CCDC172: variants seen among roughly 807,000 people sequenced by gnomAD.
CCDC172 encodes coiled-coil domain-containing protein 172.
A neutral mutation model predicts 38.0 loss-of-function variants in CCDC172; 30 were observed. That is an observed-to-expected ratio of 0.79 (90% confidence interval 0.59 to 1.07). CCDC172 has a LOEUF of 1.07. CCDC172 is among the 50% of genes least tolerant of loss of function. CCDC172 has a pLI of 0.00. For synonymous variants in CCDC172, 78 were observed against 88.3 expected, an observed-to-expected ratio of 0.88 and a Z score of 0.66; for missense variants, 297 against 290.1, an observed-to-expected ratio of 1.02 and a Z score of -0.17.
At chr10:116,366,958 T>C (rs7068883) in intron 7 of CCDC172, among the ~76,000 whole-genome samples, 13,935 of 152,232 alleles carry the variant, frequency 0.092, 1,009 homozygotes, top group East Asian at 0.24. Flanking sequence ...CATTTTTTTC[T>C]GTAAAGTAAC....
intron 7 of CCDC172, among the ~76,000 whole-genome samples, chr10:116,363,379 A>C (rs1271897396): frequency 6.6e-6 from 1 of 152,202 alleles, no homozygotes; most frequent in Non-Finnish European, 1.5e-5. Context: ...AAAACTGATA[A>C]TTCTACTGTC....
intron 5 of CCDC172, among the ~76,000 whole-genome samples, chr10:116,356,387 G>GAA (rs1275070908): frequency 4.6e-5 from 7 of 151,150 alleles, no homozygotes; most frequent in African/African-American, 1.5e-4. Context: ...GGGGAGGGAG[G>GAA]GAGGAAGGAA....
At chr10:116,342,292 A>G (rs1844805918) in intron 5 of CCDC172, 91 bp downstream of exon 5, 1 of 1,106,226 alleles carries the variant, frequency 9.0e-7, no homozygotes, top group African/African-American at 1.7e-5. Flanking sequence ...CTTTTTCATG[A>G]GCAAATTGGG....
At chr10:116,361,843 C>T (rs1369532181) in intron 7 of CCDC172, among the ~76,000 whole-genome samples, 1 of 152,192 alleles carries the variant, frequency 6.6e-6, no homozygotes, top group African/African-American at 2.4e-5. Flanking sequence ...CAAACTCTTT[C>T]AAGGATACAT....
intron 5 of CCDC172, among the ~76,000 whole-genome samples, chr10:116,351,142 C>T (rs1844926075): frequency 6.6e-6 from 1 of 151,890 alleles, no homozygotes; most frequent in Admixed American, 6.6e-5. Context: ...TCATTCTTGC[C>T]TAAGTTTTAC....
chr10:116,328,617 T>C (rs960700584), intron 3 of CCDC172, among the ~76,000 whole-genome samples: 1 of 152,158 alleles, frequency 6.6e-6, no homozygotes, highest in African/African-American at 2.4e-5. Flanking sequence ...TGTTTATTTT[T>C]TCTGTTTCCA....
intron 7 of CCDC172, among the ~76,000 whole-genome samples, chr10:116,365,764 AGTG>A (rs1025040139): frequency 6.6e-6 from 1 of 152,158 alleles, no homozygotes; most frequent in Non-Finnish European, 1.5e-5. Context: ...CATATCTAAG[AGTG>A]GTCCCATAAG....
At chr10:116,365,399 A>G (rs560070061) in intron 7 of CCDC172, among the ~76,000 whole-genome samples, 1 of 152,292 alleles carries the variant, frequency 6.6e-6, no homozygotes, top group East Asian at 1.9e-4. Context: ...CCTGTAGTCC[A>G]TTTGAAGTGA....
intron 1 of CCDC172, 47 bp downstream of exon 1, chr10:116,324,660 G>C: frequency 4.5e-6 from 1 of 222,236 alleles, no homozygotes; most frequent in Non-Finnish European, 8.8e-6. Flanking sequence ...AACAAACCCA[G>C]GGAGGGACGG....
chr10:116,353,153 A>C (rs1420409909), intron 5 of CCDC172, among the ~76,000 whole-genome samples: 1 of 151,980 alleles, frequency 6.6e-6, no homozygotes, highest in Non-Finnish European at 1.5e-5. Context: ...AGATCGCGCC[A>C]CTGCACTCCT....
At chr10:116,336,697 G>A (rs1844738324) in intron 3 of CCDC172, among the ~76,000 whole-genome samples, 1 of 150,984 alleles carries the variant, frequency 6.6e-6, no homozygotes, top group Non-Finnish European at 1.5e-5. Context: ...TTTTTTAAAT[G>A]TAAAATTGCC....
chr10:116,378,154 C>G (rs1845270534), intron 7 of CCDC172, among the ~76,000 whole-genome samples: 1 of 152,118 alleles, frequency 6.6e-6, no homozygotes, highest in Admixed American at 6.6e-5. Context: ...GTACTCCAGC[C>G]TGGATGACAG....
At chr10:116,342,458 C>T (rs1191840785) in intron 5 of CCDC172, among the ~76,000 whole-genome samples, 2 of 151,984 alleles carry the variant, frequency 1.3e-5, no homozygotes, top group African/African-American at 4.8e-5. Context: ...TGTTCTAGGT[C>T]TTGAAGATAT....
intron 7 of CCDC172, among the ~76,000 whole-genome samples, chr10:116,377,025 A>G (rs1271558832): frequency 6.6e-6 from 1 of 152,082 alleles, no homozygotes; most frequent in African/African-American, 2.4e-5. Context: ...ATACAAAAAA[A>G]TTCAGTATGG....
At chr10:116,363,996 G>T (rs7895967) in intron 7 of CCDC172, among the ~76,000 whole-genome samples, 1,789 of 150,430 alleles carry the variant, frequency 0.012, 38 homozygotes, top group African/African-American at 0.041. Context: ...AAGTCATCAA[G>T]ATTAAATGGT....
At chr10:116,341,995 C>T in intron 4 of CCDC172, 41 bp from the exon 5 acceptor site, 4 of 1,286,128 alleles carry the variant, frequency 3.1e-6, no homozygotes, top group Admixed American at 2.8e-5. Flanking sequence ...AATATTATTG[C>T]AACTAACACC....
intron 5 of CCDC172, among the ~76,000 whole-genome samples, chr10:116,355,067 A>G (rs149923355): frequency 3.3e-5 from 5 of 152,346 alleles, no homozygotes; most frequent in Middle Eastern, 6.8e-3. Context: ...AAAGAAAGAA[A>G]AATATTTTTA....
chr10:116,366,411 C>A lies in CCDC172; in HGVS notation c.653+8473C>A, dbSNP rs530429042. Among the ~76,000 whole-genome samples the A allele has an allele frequency of 2.0e-5, 3 of 152,200 alleles. No individual in the cohort carries two copies. The East Asian group carries it at 5.8e-4, about 29-fold the overall frequency. ...GTATTATATAACTAACTTTAGTTTACAGCATGCATTTATCATCTAACCTAT... is the reference window on the plus strand; with the variant it reads ...GTATTATATAACTAACTTTAGTTTAAAGCATGCATTTATCATCTAACCTAT... On this transcript the variant is annotated intron_variant, in intron 7 of 8. Transcript: ENST00000333254.
chr10:116,337,634 T>C (rs766442850), intron 3 of CCDC172, among the ~76,000 whole-genome samples: 1 of 152,202 alleles, frequency 6.6e-6, no homozygotes, highest in Non-Finnish European at 1.5e-5. Flanking sequence ...TTTAAGTTTT[T>C]GTTTACTATA....
Sources: allele counts gnomAD v4.1 joint callset (sites outside exome capture counted in the v4.1 genomes callset), GRCh38; gene constraint gnomAD v4.1.1; transcripts MANE v1.5; gene names NCBI Gene and HGNC (gene_info 2026-07-23, HGNC 2026-07-21).